KHDRBS3: variants seen among roughly 807,000 people sequenced by gnomAD.
KHDRBS3 encodes the protein KH domain-containing, RNA-binding, signal transduction-associated protein 3.
In KHDRBS3, 23 loss-of-function variants were observed where a neutral mutation model predicts 45.6. The ratio of observed to expected loss-of-function variants is 0.50; its 90% CI spans 0.36 to 0.72. The LOEUF (loss-of-function observed/expected upper bound fraction) is 0.72. KHDRBS3 is among the 30% of genes least tolerant of loss of function. The pLI, the probability that KHDRBS3 is intolerant of heterozygous loss-of-function variation, is 0.00. For synonymous variants in KHDRBS3, 162 were observed against 156.5 expected (o/e 1.04, Z -0.26); for missense variants, 352 against 424.8 (o/e 0.83, Z 1.51).
At chr8:135,556,586 T>A (rs577934793) in intron 4 of KHDRBS3, among the ~76,000 whole-genome samples, 8 of 152,346 alleles carry the variant, frequency 5.3e-5, no homozygotes, top group African/African-American at 1.9e-4. Flanking sequence ...GGTTGTTTGC[T>A]TTCTTCTTGT....
intron 7 of KHDRBS3, among the ~76,000 whole-genome samples, chr8:135,624,266 G>C (rs1433548217): frequency 6.6e-6 from 1 of 152,186 alleles, no homozygotes; most frequent in African/African-American, 2.4e-5. Flanking sequence ...AGGAGCCAAA[G>C]AGGAGTCCCC....
At chr8:135,506,527 C>T (rs563257490) in intron 1 of KHDRBS3, among the ~76,000 whole-genome samples, 1 of 151,964 alleles carries the variant, frequency 6.6e-6, no homozygotes, top group South Asian at 2.1e-4. Flanking sequence ...CCTCAGCCGC[C>T]CAAGTAGGTG....
At chr8:135,467,237 T>C (rs1821743895) in intron 1 of KHDRBS3, among the ~76,000 whole-genome samples, 2 of 152,270 alleles carry the variant, frequency 1.3e-5, no homozygotes, top group Non-Finnish European at 1.5e-5. Context: ...GATGAGATTA[T>C]TACACATATA....
At chr8:135,598,862 GTTA>G (rs1182999408) in intron 6 of KHDRBS3, among the ~76,000 whole-genome samples, 4 of 152,138 alleles carry the variant, frequency 2.6e-5, no homozygotes, top group East Asian at 1.9e-4. Context: ...GAAGTGACCA[GTTA>G]TTATCGCAAT....
At chr8:135,588,375 C>G (rs944295383) in intron 6 of KHDRBS3, among the ~76,000 whole-genome samples, 1 of 152,142 alleles carries the variant, frequency 6.6e-6, no homozygotes, top group African/African-American at 2.4e-5. Flanking sequence ...CGCGCGGCAC[C>G]TCTGTGTCCT....
intron 2 of KHDRBS3, among the ~76,000 whole-genome samples, chr8:135,536,966 CAAAAAAAAAAAAAAAAA>C (rs869256475): frequency 8.5e-5 from 1 of 11,778 alleles, no homozygotes; most frequent in East Asian, 2.5e-3. Context: ...AACTCCATCT[CAAAAAAAAAAAAAAAAA>C]AAAAAAAAAA....
intron 1 of KHDRBS3, among the ~76,000 whole-genome samples, chr8:135,511,787 T>G (rs947646113): frequency 1.3e-5 from 2 of 152,188 alleles, no homozygotes; most frequent in African/African-American, 4.8e-5. Context: ...CTTGATCTCC[T>G]GACCTCGTAA....
chr8:135,509,520 G>A (rs1443897315), intron 1 of KHDRBS3, among the ~76,000 whole-genome samples: 1 of 152,048 alleles, frequency 6.6e-6, no homozygotes, highest in Non-Finnish European at 1.5e-5. Flanking sequence ...TCTACTCTTT[G>A]GTCCTTATTG....
intron 3 of KHDRBS3, among the ~76,000 whole-genome samples, chr8:135,545,612 G>C (rs1008521018): frequency 1.3e-5 from 2 of 152,110 alleles, no homozygotes; most frequent in African/African-American, 4.8e-5. Context: ...GTGCACCCTA[G>C]CTTACTTCTG....
downstream of KHDRBS3, among the ~76,000 whole-genome samples, chr8:135,649,024 A>G (rs913057770): frequency 1.5e-4 from 23 of 152,152 alleles, no homozygotes; most frequent in African/African-American, 5.3e-4. Context: ...GACAGTATTT[A>G]TCTTAGTCTT....
At chr8:135,494,516 G>T (rs569512899) in intron 1 of KHDRBS3, among the ~76,000 whole-genome samples, 2 of 152,112 alleles carry the variant, frequency 1.3e-5, no homozygotes, top group East Asian at 3.9e-4. Context: ...CTGACCTCGT[G>T]ATCCACCCAC....
intron 1 of KHDRBS3, among the ~76,000 whole-genome samples, chr8:135,481,363 C>G (rs1171562203): frequency 6.0e-5 from 9 of 150,942 alleles, no homozygotes; most frequent in South Asian, 4.2e-4. Flanking sequence ...TTATCACCTA[C>G]AGGAAACTGC....
chr8:135,473,331 T>C (rs1822109928), intron 1 of KHDRBS3, among the ~76,000 whole-genome samples: 1 of 152,196 alleles, frequency 6.6e-6, no homozygotes, highest in Non-Finnish European at 1.5e-5. Flanking sequence ...TGGCTTCCCA[T>C]CCACACCAGC....
intron 7 of KHDRBS3, among the ~76,000 whole-genome samples, chr8:135,639,488 A>G (rs1830967177): frequency 1.3e-5 from 2 of 152,208 alleles, no homozygotes; most frequent in Admixed American, 6.5e-5. Context: ...TTTGTTCAGA[A>G]GAGTGAAGCA....
chr8:135,653,346 C>T (rs779219729), intron 4 of KHDRBS3, among the ~76,000 whole-genome samples: 12 of 152,240 alleles, frequency 7.9e-5, no homozygotes, highest in East Asian at 1.9e-4. Flanking sequence ...CAGTGAGGAA[C>T]GAATGAGTGA....
chr8:135,544,911 G>A (rs1826217003), intron 3 of KHDRBS3, among the ~76,000 whole-genome samples: 2 of 151,970 alleles, frequency 1.3e-5, no homozygotes, highest in Admixed American at 1.3e-4. Flanking sequence ...GAGACCAGAA[G>A]TCTCCTTACC....
At chr8:135,608,292 G>T (rs1586797358) in intron 7 of KHDRBS3, among the ~76,000 whole-genome samples, 1 of 152,138 alleles carries the variant, frequency 6.6e-6, no homozygotes, top group East Asian at 1.9e-4. Context: ...GTCCTTCTCA[G>T]ATTTTGTTTA....
intron 2 of KHDRBS3, among the ~76,000 whole-genome samples, chr8:135,522,602 A>T (rs1220903584): frequency 6.6e-6 from 1 of 152,080 alleles, no homozygotes; most frequent in Non-Finnish European, 1.5e-5. Context: ...TTAGCTTTTG[A>T]TGGTATATTG....
intron 5 of KHDRBS3, among the ~76,000 whole-genome samples, chr8:135,568,828 T>A (rs1586735292): frequency 6.6e-6 from 1 of 152,334 alleles, no homozygotes; most frequent in East Asian, 1.9e-4. Context: ...CTGACCAGCT[T>A]TTGAATGATC....
Sources: gnomAD v4.1 joint callset for allele counts (sites outside exome capture counted in the v4.1 genomes callset) on GRCh38, gnomAD v4.1.1 for gene constraint, MANE v1.5 for transcripts, NCBI Gene and HGNC (gene_info 2026-07-23, HGNC 2026-07-21) for gene names.